The following NEK2 variants were observed in gnomAD, a reference collection of about 807,000 sequenced individuals.
NEK2 encodes NIMA related kinase 2, also known as serine/threonine-protein kinase Nek2.
Under a neutral mutation model 54.1 loss-of-function variants are expected in NEK2, and 28 were observed. That is an observed-to-expected ratio of 0.52 (90% confidence interval 0.38 to 0.71). The LOEUF (loss-of-function observed/expected upper bound fraction) is 0.71. NEK2 is among the 30% of genes least tolerant of loss of function. The probability of loss-of-function intolerance (pLI) is 0.00; values close to 1 mark genes in which losing one functional copy is unlikely to be tolerated. For missense variants in NEK2, 407 were observed against 531.5 expected (o/e 0.77, Z 2.30); for synonymous variants, 176 against 193.1 (o/e 0.91, Z 0.73).
At chr1:211,661,854 C>T (rs1233002489), downstream of NEK2, among the ~76,000 whole-genome samples, 1 of 152,138 alleles carries the variant, frequency 6.6e-6, no homozygotes, top group African/African-American at 2.4e-5. Flanking sequence ...GCAAGCGTGG[C>T]ACTATTCATG....
chr1:211,669,880 A>G (rs1213741475), intron 5 of NEK2, among the ~76,000 whole-genome samples: 1 of 152,012 alleles, frequency 6.6e-6, no homozygotes, highest in Non-Finnish European at 1.5e-5. Context: ...TCCGCCCTCC[A>G]TCACCCCTCC....
downstream of NEK2, among the ~76,000 whole-genome samples, chr1:211,661,481 C>T (rs944014950): frequency 1.3e-5 from 2 of 152,286 alleles, no homozygotes; most frequent in Admixed American, 6.5e-5. Flanking sequence ...GGGATTCAAT[C>T]GAAAGCTATT....
intron 3 of NEK2, 130 bp from the exon 4 acceptor site, chr1:211,671,414 T>C: frequency 1.6e-6 from 1 of 623,202 alleles, no homozygotes; most frequent in Non-Finnish European, 2.8e-6. Context: ...TACTTTATCT[T>C]GAAATTTATA....
Position 211,667,159 on chromosome 1 carries a change from T to TTCAACAGA in NEK2, c.1050_1057dup (p.Lys353IlefsTer3). The TTCAACAGA allele has an allele frequency of 6.8e-6, 11 of 1,613,798 alleles. No individual in the cohort carries two copies. The highest frequency in any genetic ancestry group is 9.3e-6 in the Non-Finnish European group (11 of 1,179,826). On this transcript the variant is annotated stop_gained and frameshift_variant, in exon 7 of 8. Coordinates refer to ENST00000366999, the MANE Select transcript of NEK2 (RefSeq NM_002497.4). LOFTEE classifies it high-confidence loss of function. ...CCGTTCCTTTAGCAAGCTGTAGTTCTTCAACAGATTTTCTGCTCTAGCCAG... is the reference window on the plus strand; with the variant it reads ...CCGTTCCTTTAGCAAGCTGTAGTTCTTCAACAGATCAACAGATTTTCTGCTCTAGCCAG...
downstream of NEK2, among the ~76,000 whole-genome samples, chr1:211,662,037 A>T (rs2102437550): frequency 6.6e-6 from 1 of 152,314 alleles, no homozygotes; most frequent in South Asian, 2.1e-4. The surrounding 1 kb of genome is among the most constrained non-coding windows in gnomAD (Gnocchi z 4.2). Context: ...CCTCACAGAC[A>T]CATCTAAAAT....
At chr1:211,664,424 G>A in intron 7 of NEK2, among the ~76,000 whole-genome samples, 1 of 152,180 alleles carries the variant, frequency 6.6e-6, no homozygotes, top group East Asian at 1.9e-4. Flanking sequence ...CCCTATTCTA[G>A]TAGGAGGAGA....
intron 3 of NEK2, among the ~76,000 whole-genome samples, chr1:211,672,108 T>C (rs140963824): frequency 6.6e-6 from 1 of 152,370 alleles, no homozygotes; most frequent in African/African-American, 2.4e-5. Flanking sequence ...TATAGTAAGA[T>C]CTGTTAACAT....
intron 7 of NEK2, chr1:211,666,510 A>G: frequency 1.0e-6 from 1 of 981,184 alleles, no homozygotes; most frequent in African/African-American, 1.7e-5. Flanking sequence ...ATTTTTAAAA[A>G]TAAGTATCGG....
intron 2 of NEK2, among the ~76,000 whole-genome samples, chr1:211,674,066 T>C (rs1655493557): frequency 6.6e-6 from 1 of 152,194 alleles, no homozygotes; most frequent in Non-Finnish European, 1.5e-5. Context: ...TCCTCCCGCA[T>C]CGGCCTCCCA....
At chr1:211,669,502 A>G (rs1052869242) in intron 5 of NEK2, 170 bp from the exon 6 acceptor site, 1 of 624,396 alleles carries the variant, frequency 1.6e-6, no homozygotes, top group Admixed American at 3.0e-5. Context: ...GTTTTAACTC[A>G]TGAGGTTCTG....
intron 6 of NEK2, among the ~76,000 whole-genome samples, chr1:211,667,917 G>A (rs1278992884): frequency 6.6e-6 from 1 of 151,970 alleles, no homozygotes; most frequent in Non-Finnish European, 1.5e-5. Context: ...ATGGTGGCAG[G>A]CGCCTGTAAT....
Position 211,663,516 on chromosome 1 carries a change from C to G in NEK2, c.1248G>C (p.Arg416Ser), listed in dbSNP as rs200747370. 1.6e-5 allele frequency: 26 copies of G among 1,613,974 alleles called. No individual in the cohort carries two copies. The highest frequency in any genetic ancestry group is 2.0e-5 in the Non-Finnish European group (24 of 1,179,866). ...GAGCCCGCAGCTGGGCAGCGTGAAG[C>G]CTTTTCTTCAGGTCCTTGCACTTGG... ...SKSKCKDLKK[R>S]LHAAQLRAQA... is the part of the protein sequence containing the mutation. The change falls in exon 8 of 8, where the codon AGG becomes AGC. Residue 416 changes from arginine to serine, a missense_variant. By Grantham distance (110) the Arg-to-Ser change is moderately radical. Transcript: ENST00000366999.
chr1:211,666,828 TA>T, intron 7 of NEK2: 1 of 978,578 alleles, frequency 1.0e-6, no homozygotes, highest in Non-Finnish European at 1.3e-6. Flanking sequence ...ATAATGATAA[TA>T]AAAATAAGTA....
chr1:211,670,431 G>C (rs781734179), intron 4 of NEK2, 24 bp from the exon 5 acceptor site: 9 of 1,589,126 alleles, frequency 5.7e-6, no homozygotes, highest in Middle Eastern at 3.4e-4. Context: ...AGAAGAAGAA[G>C]ACGACGAAGA....
intron 7 of NEK2, among the ~76,000 whole-genome samples, chr1:211,665,751 T>C (rs1405651752): frequency 6.6e-6 from 1 of 152,244 alleles, no homozygotes; most frequent in African/African-American, 2.4e-5. Flanking sequence ...CCTTGTTTCA[T>C]TTACTTCTAT....
intron 2 of NEK2, 38 bp downstream of exon 2, chr1:211,674,258 A>C (rs1331667711): frequency 6.6e-7 from 1 of 1,521,082 alleles, no homozygotes. Flanking sequence ...ATGAAACTAG[A>C]CCAATTTCAG....
At chr1:211,671,101 G>C in intron 4 of NEK2, 101 bp downstream of exon 4, 1 of 870,720 alleles carries the variant, frequency 1.1e-6, no homozygotes, top group East Asian at 2.4e-5. Flanking sequence ...TTTCAGACTT[G>C]AATATACTTT....
At chr1:211,668,141 T>C (rs1655236965) in intron 6 of NEK2, among the ~76,000 whole-genome samples, 1 of 152,198 alleles carries the variant, frequency 6.6e-6, no homozygotes. Flanking sequence ...AAGTATAGGT[T>C]GTACCTATAC....
Position 211,675,575 on chromosome 1 carries a change from A to C in NEK2, c.-96T>G. 9.9e-7 allele frequency: 1 copy of C among 1,010,152 alleles called. No homozygotes were observed. The highest frequency in any genetic ancestry group is 1.4e-5 in the South Asian group (1 of 72,436). 62.6% of individuals were successfully genotyped at this position (1,010,152 alleles called of 1,614,324 possible). A position where few individuals can be genotyped will look rare whatever the true frequency, so the allele number is the denominator to read the frequency against. On this transcript the variant is annotated 5_prime_UTR_variant, in exon 1 of 8. Transcript: ENST00000366999. ...GGAACTCCAGGGACCTGGATGGAGAAGCCCCCGAGCAGCACTGACCCGCCA... is the reference window on the plus strand; with the variant it reads ...GGAACTCCAGGGACCTGGATGGAGACGCCCCCGAGCAGCACTGACCCGCCA...
Sources: allele counts gnomAD v4.1 joint callset (sites outside exome capture counted in the v4.1 genomes callset), GRCh38; gene constraint gnomAD v4.1.1; non-coding constraint Gnocchi (gnomAD v3.1); transcripts MANE v1.5; gene names NCBI Gene and HGNC (gene_info 2026-07-23, HGNC 2026-07-21).